The following BABAM1 variants were observed in gnomAD, a reference collection of about 807,000 sequenced individuals.
BABAM1 encodes the protein BRISC and BRCA1 A complex member 1.
A neutral mutation model predicts 34.4 loss-of-function variants in BABAM1; 14 were observed. That is an observed-to-expected ratio of 0.41 (90% CI 0.27 to 0.64). The LOEUF is 0.64. Among genes scored for constraint, BABAM1 ranks in the 30% least tolerant of loss-of-function variants. The probability of loss-of-function intolerance (pLI) is 0.34; values close to 1 mark genes in which losing one functional copy is unlikely to be tolerated. For missense variants in BABAM1, 393 were observed against 434.0 expected (o/e 0.91, Z 0.84); for synonymous variants, 169 against 165.8 (o/e 1.02, Z -0.15).
chr19:17,276,295 A>C (rs1020908496), intron 6 of BABAM1, 200 bp from the exon 7 acceptor site: 1 of 721,938 alleles, frequency 1.4e-6, no homozygotes, highest in African/African-American at 1.8e-5. Flanking sequence ...AGATCTCACC[A>C]TTGCACTTAG....
chr19:17,267,555 T>A (rs577919793), intron 1 of BABAM1, 28 bp downstream of exon 1: 1 of 152,298 alleles, frequency 6.6e-6, no homozygotes, highest in African/African-American at 2.4e-5. Context: ...GTGGGGCCCG[T>A]TCCTAGGGGC....
intron 4 of BABAM1, 25 bp downstream of exon 4, chr19:17,274,049 GC>G (rs753146974): frequency 6.2e-7 from 1 of 1,613,796 alleles, no homozygotes; most frequent in Non-Finnish European, 8.5e-7. Flanking sequence ...GGCGCTGGGT[GC>G]CCTGGGGTCC....
intron 6 of BABAM1, 146 bp downstream of exon 6, chr19:17,275,971 G>C: frequency 1.1e-6 from 1 of 918,052 alleles, no homozygotes; most frequent in Admixed American, 2.1e-5. Context: ...TCATTTATGT[G>C]TGTCTTGGGA....
Position 17,279,276 on chromosome 19 carries a change from G to T in BABAM1, c.*228G>T, listed in dbSNP as rs1011445042. 4.5e-5 allele frequency: 22 copies of T among 483,910 alleles called. No homozygotes were observed. Among genetic ancestry groups the T allele is most frequent in the African/African-American group, 4.1e-4 (21 of 51,688 alleles). 30.0% of individuals were successfully genotyped at this position (483,910 alleles called of 1,614,324 possible). A position where few individuals can be genotyped will look rare whatever the true frequency, so the allele number is the denominator to read the frequency against. On this transcript the variant is annotated 3_prime_UTR_variant, in exon 9 of 9. Coordinates refer to ENST00000598188, the MANE Select transcript of BABAM1 (RefSeq NM_014173.4). ...CCATTTCCACTCCTAGTTTGTCATG[G>T]ATAATTTTTGTTCTTCCCTGTGTGA...
chr19:17,275,948 C>A (rs1330162064), intron 6 of BABAM1, 123 bp downstream of exon 6: 27 of 1,102,000 alleles, frequency 2.5e-5, no homozygotes, highest in Admixed American at 3.7e-5. Flanking sequence ...CCTACCTCGC[C>A]CCGAGCAATT....
chr19:17,274,224 G>C, intron 5 of BABAM1, 39 bp downstream of exon 5: 2 of 1,601,064 alleles, frequency 1.2e-6, no homozygotes, highest in Non-Finnish European at 1.7e-6. Context: ...GAAGGGGGCT[G>C]TCTCCTTCTG....
intron 2 of BABAM1, among the ~76,000 whole-genome samples, chr19:17,269,640 T>C (rs2073815078): frequency 6.6e-6 from 1 of 151,960 alleles, no homozygotes; most frequent in Admixed American, 6.6e-5. Context: ...CATGAGCCAC[T>C]CTGCCTGACC....
chr19:17,269,069 G>C lies in BABAM1; in HGVS notation c.263G>C (p.Arg88Thr), dbSNP rs764518702. Residue 88 changes from arginine (R) to threonine (T), a missense_variant, in exon 2 of 9, where the codon AGG (arginine) becomes ACG (threonine). By Grantham distance (71) the Arg-to-Thr change is moderately conservative. Transcript: ENST00000598188. ...CCTGAGGTCCAAATTCGGACACCAA[G>C]GGTCAACTGTCCAGAGAAAGTGGTA... ...PAPEVQIRTP[R>T]VNCPEKVIIC... 5 of 1,607,680 alleles carry C rather than the reference G, an allele frequency of 3.1e-6. No individual in the cohort carries two copies. The highest frequency in any genetic ancestry group is 4.2e-6 in the Non-Finnish European group (5 of 1,177,430).
chr19:17,275,612 C>T (rs1027333881), intron 5 of BABAM1, among the ~76,000 whole-genome samples, 189 bp from the exon 6 acceptor site: 12 of 152,254 alleles, frequency 7.9e-5, no homozygotes, highest in Admixed American at 2.0e-4. Context: ...TAAAGTCATC[C>T]GGTACCAGCA....
Position 17,268,801 on chromosome 19 carries a change from G to A in BABAM1, c.-6G>A, listed in dbSNP as rs775462894. The A allele has an allele frequency of 6.3e-6, 10 of 1,596,506 alleles. No individual in the cohort carries two copies. The Admixed American group carries it at 1.7e-4, about 27-fold the overall frequency. ...TGTCCGTGTTCCATCTAGCCACACA[G>A]GAGCCATGGAAGTGGCAGAGCCCAG... On this transcript the variant is annotated 5_prime_UTR_variant, in exon 2 of 9. Transcript: ENST00000598188.
At chr19:17,276,953 G>A in intron 8 of BABAM1, 44 bp downstream of exon 8, 1 of 1,518,140 alleles carries the variant, frequency 6.6e-7, no homozygotes, top group Non-Finnish European at 8.9e-7. Flanking sequence ...GGTGTGGACA[G>A]GATGTCTTGG....
At chr19:17,270,692 A>G (rs1225362820) in intron 2 of BABAM1, among the ~76,000 whole-genome samples, 1 of 135,078 alleles carries the variant, frequency 7.4e-6, no homozygotes, top group Non-Finnish European at 1.6e-5. Context: ...CACCCAACAA[A>G]TTTTTTTTTT....
At chr19:17,272,814 C>T (rs1041557766) in intron 3 of BABAM1, among the ~76,000 whole-genome samples, 6 of 151,948 alleles carry the variant, frequency 3.9e-5, no homozygotes, top group African/African-American at 9.7e-5. Context: ...GTCTGGAGTT[C>T]GAGACCAGCC....
At chr19:17,272,206 T>C (rs1599492877) in intron 3 of BABAM1, among the ~76,000 whole-genome samples, 1 of 152,274 alleles carries the variant, frequency 6.6e-6, no homozygotes, top group East Asian at 1.9e-4. Context: ...CCTCCCAAAG[T>C]GCTGGGATTA....
At chr19:17,275,907 T>C (rs2073902692) in intron 6 of BABAM1, 82 bp downstream of exon 6, 1 of 1,493,934 alleles carries the variant, frequency 6.7e-7, no homozygotes, top group South Asian at 1.1e-5. Context: ...GGCACAGAAG[T>C]AATCTAGGGA....
intron 8 of BABAM1, among the ~76,000 whole-genome samples, chr19:17,277,893 A>G (rs756373371): frequency 1.3e-5 from 2 of 151,630 alleles, no homozygotes; most frequent in Non-Finnish European, 2.9e-5. Context: ...AAATAAAAAT[A>G]CGGCCAGGTG....
Position 17,275,856 on chromosome 19 carries a change from C to T in BABAM1, c.569+31C>T, listed in dbSNP as rs768531012. The T allele has an allele frequency of 2.5e-6, 4 of 1,605,708 alleles. No homozygotes were observed. In the African/African-American group the frequency reaches 4.0e-5, roughly 16 times the overall value. On this transcript the variant is annotated intron_variant, in intron 6 of 8. Coordinates refer to ENST00000598188, the MANE Select transcript of BABAM1 (RefSeq NM_014173.4). ...TCCCCTGTGGGGAAATTCTTATTCACCTTCAAAGAGAAGGGTCACTTCTGG... is the reference window on the plus strand; with the variant it reads ...TCCCCTGTGGGGAAATTCTTATTCATCTTCAAAGAGAAGGGTCACTTCTGG...
chr19:17,272,621 G>A (rs553571631), intron 3 of BABAM1, among the ~76,000 whole-genome samples: 1 of 151,164 alleles, frequency 6.6e-6, no homozygotes, highest in Non-Finnish European at 1.5e-5. Flanking sequence ...TAGCCAGGAT[G>A]GTCTCAAATC....
chr19:17,278,320 T>A (rs1441379562), intron 8 of BABAM1, among the ~76,000 whole-genome samples: 4 of 150,854 alleles, frequency 2.7e-5, no homozygotes, highest in African/African-American at 9.8e-5. Flanking sequence ...GACTCTTTTT[T>A]TTTTTTGAGG....
Sources: gnomAD v4.1 joint callset for allele counts (sites outside exome capture counted in the v4.1 genomes callset) on GRCh38, gnomAD v4.1.1 for gene constraint, MANE v1.5 for transcripts, NCBI Gene and HGNC (gene_info 2026-07-23, HGNC 2026-07-21) for gene names.